CSMD1: variants seen among roughly 807,000 people sequenced by gnomAD.
The protein encoded by CSMD1 is CUB and Sushi multiple domains 1, also known as CUB and sushi domain-containing protein 1.
CSMD1 carries 213 observed loss-of-function variants against 417.5 expected under a neutral mutation model. The observed-to-expected ratio is 0.51, with a 90% CI of 0.46 to 0.57. The LOEUF (loss-of-function observed/expected upper bound fraction) is 0.57. Among genes scored for constraint, CSMD1 ranks in the 20% least tolerant of loss-of-function variants. The pLI is 0.00. For synonymous variants in CSMD1, 2,862 were observed against 1,736.8 expected (o/e 1.65, Z -16.11); for missense variants, 6,923 against 4,529.7 (o/e 1.53, Z -15.17).
At chr8:4,358,170 C>T (rs376853293) in intron 3 of CSMD1, among the ~76,000 whole-genome samples, 9 of 152,090 alleles carry the variant, frequency 5.9e-5, no homozygotes, top group African/African-American at 1.7e-4. Context: ...ATTATGATGA[C>T]GTTCACTTTA....
At chr8:4,481,472 C>T (rs1346612652) in intron 2 of CSMD1, among the ~76,000 whole-genome samples, 1 of 152,182 alleles carries the variant, frequency 6.6e-6, no homozygotes, top group Non-Finnish European at 1.5e-5. Context: ...ATGTGTTCAG[C>T]ATGGGAAGGC....
chr8:3,853,308 C>T (rs540612040), intron 5 of CSMD1, among the ~76,000 whole-genome samples: 3 of 152,164 alleles, frequency 2.0e-5, no homozygotes, highest in Non-Finnish European at 4.4e-5. Context: ...ATCAATTTTT[C>T]TTCTCACCTG....
intron 3 of CSMD1, among the ~76,000 whole-genome samples, chr8:4,204,287 G>A (rs1799845764): frequency 6.6e-6 from 1 of 151,680 alleles, no homozygotes; most frequent in Non-Finnish European, 1.5e-5. Flanking sequence ...CCTCAATTTG[G>A]AAGTTTTTGG....
chr8:3,879,047 C>A (rs1472483267), intron 5 of CSMD1, among the ~76,000 whole-genome samples: 1 of 152,092 alleles, frequency 6.6e-6, no homozygotes, highest in Non-Finnish European at 1.5e-5. Context: ...TTGGATAGTT[C>A]TCTAAGAACA....
At position 4,164,863 on chromosome 8, in the gene CSMD1, C is replaced by T. The variant is rs561816450; in HGVS notation, c.416-132764G>A. 2.7e-4 allele frequency among the ~76,000 whole-genome samples: 37 copies of T among 135,842 alleles called. 1 individual carries two copies. The highest frequency in any genetic ancestry group is 2.0e-3 in the Admixed American group (26 of 12,978). The allele number at this position is 135,842 out of a possible 152,430, so 89.1% of individuals were successfully genotyped here. A position where few individuals can be genotyped will look rare whatever the true frequency, so the allele number is the denominator to read the frequency against. ...TGCACTCCAAGCCTGAGCAACAGAG[C>T]AAGACTCCATCTCAAAGAAAAAAAA... On this transcript the variant is annotated intron_variant, in intron 3 of 69. Coordinates refer to ENST00000635120, the MANE Select transcript of CSMD1 (RefSeq NM_033225.6).
intron 2 of CSMD1, among the ~76,000 whole-genome samples, chr8:4,526,725 C>G (rs144495663): frequency 6.6e-6 from 1 of 152,226 alleles, no homozygotes; most frequent in Non-Finnish European, 1.5e-5. Flanking sequence ...CTTAAATTTG[C>G]TTTCATATTT....
At chr8:3,237,400 T>G (rs530093618) in intron 26 of CSMD1, among the ~76,000 whole-genome samples, 1 of 151,554 alleles carries the variant, frequency 6.6e-6, no homozygotes, top group East Asian at 1.9e-4. Flanking sequence ...GAGGTTACAG[T>G]GAGCTGAGAT....
intron 8 of CSMD1, among the ~76,000 whole-genome samples, chr8:3,592,215 G>C (rs1280251749): frequency 6.6e-6 from 1 of 151,952 alleles, no homozygotes; most frequent in Non-Finnish European, 1.5e-5. Context: ...AGATAAACAA[G>C]TGGATAGATA....
At chr8:4,399,985 C>T (rs1479508877) in intron 3 of CSMD1, among the ~76,000 whole-genome samples, 1 of 152,114 alleles carries the variant, frequency 6.6e-6, no homozygotes, top group African/African-American at 2.4e-5. Flanking sequence ...GGTTGATAAG[C>T]CTTTCTTTCC....
intron 17 of CSMD1, among the ~76,000 whole-genome samples, chr8:3,394,074 C>T (rs1422932281): frequency 1.8e-5 from 2 of 112,334 alleles, no homozygotes; most frequent in East Asian, 5.1e-4. Flanking sequence ...AGAAAAATGG[C>T]AAAGAGCTTT....
intron 2 of CSMD1, among the ~76,000 whole-genome samples, chr8:4,532,050 C>G (rs371691504): frequency 7.2e-6 from 1 of 137,950 alleles, no homozygotes; most frequent in Non-Finnish European, 1.5e-5. Flanking sequence ...TCAGTCACTC[C>G]GGAAAATAAA....
At chr8:4,468,028 A>G (rs1251890260) in intron 2 of CSMD1, among the ~76,000 whole-genome samples, 1 of 151,380 alleles carries the variant, frequency 6.6e-6, no homozygotes, top group Non-Finnish European at 1.5e-5. Flanking sequence ...CATCTCTCAC[A>G]TGGGTTACTC....
intron 2 of CSMD1, among the ~76,000 whole-genome samples, chr8:4,564,721 AG>A (rs1247274496): frequency 6.6e-6 from 1 of 152,228 alleles, no homozygotes; most frequent in African/African-American, 2.4e-5. Context: ...GATAATAGTG[AG>A]GGCATTTTGA....
chr8:4,122,994 C>A (rs1802571485), intron 3 of CSMD1, among the ~76,000 whole-genome samples: 2 of 152,308 alleles, frequency 1.3e-5, no homozygotes, highest in African/African-American at 2.4e-5. Flanking sequence ...CAAAGACGTG[C>A]CACTGAGCTT....
Position 2,974,641 on chromosome 8 carries a change from A to G in CSMD1, c.8567-17T>C. ...ACGATATAGCTTCAGAAAAAAGATA[A>G]AACAATTGAGTACATCCTTCCAGTT... is the stretch of plus-strand genomic sequence containing the variant. On this transcript the variant is annotated splice_polypyrimidine_tract_variant and intron_variant, in intron 55 of 69. Coordinates refer to ENST00000635120, the MANE Select transcript of CSMD1 (RefSeq NM_033225.6). 1 of 1,556,252 alleles carries G rather than the reference A, an allele frequency of 6.4e-7. No individual in the cohort carries two copies. Among genetic ancestry groups the G allele is most frequent in the Non-Finnish European group, 8.7e-7 (1 of 1,148,240 alleles).
At chr8:4,749,817 G>C in intron 1 of CSMD1, among the ~76,000 whole-genome samples, 1 of 151,958 alleles carries the variant, frequency 6.6e-6, no homozygotes, top group Middle Eastern at 3.2e-3. Context: ...TAAACCATAA[G>C]ATGTTTTGCT....
chr8:4,087,315 G>C (rs557274728), intron 3 of CSMD1, among the ~76,000 whole-genome samples: 1 of 152,084 alleles, frequency 6.6e-6, no homozygotes, highest in Non-Finnish European at 1.5e-5. Context: ...TGATTTTCCA[G>C]GGACCATTCA....
intron 2 of CSMD1, among the ~76,000 whole-genome samples, chr8:4,442,619 G>A (rs1204518238): frequency 6.6e-6 from 1 of 152,150 alleles, no homozygotes; most frequent in Non-Finnish European, 1.5e-5. Context: ...ACAGAAGCAA[G>A]CCCTCTGGAT....
chr8:4,453,904 C>T (rs955921780), intron 2 of CSMD1, among the ~76,000 whole-genome samples: 9 of 148,046 alleles, frequency 6.1e-5, no homozygotes, highest in African/African-American at 2.2e-4. Context: ...TCACTGCCAG[C>T]TCCGCCTCCC....
Sources: allele counts gnomAD v4.1 joint callset (sites outside exome capture counted in the v4.1 genomes callset), GRCh38; gene constraint gnomAD v4.1.1; transcripts MANE v1.5; gene names NCBI Gene and HGNC (gene_info 2026-07-23, HGNC 2026-07-21).